Variants in RANBP17 observed in about 807,000 individuals in gnomAD.
RANBP17 encodes the protein ran-binding protein 17.
A neutral mutation model predicts 141.2 loss-of-function variants in RANBP17; 158 were observed. That is an observed-to-expected ratio of 1.12 (90% CI 0.98 to 1.28). The LOEUF is 1.28. Ranked by LOEUF, RANBP17 falls within the 50% of genes most tolerant of loss-of-function variation. The pLI is 0.00. For synonymous variants in RANBP17, 430 were observed against 450.0 expected, an observed-to-expected ratio of 0.96 and a Z score of 0.56; for missense variants, 1,438 against 1,290.7, an observed-to-expected ratio of 1.11 and a Z score of -1.75.
rs117232083 is a variant in RANBP17, at chr5:171,186,345, C to T, written c.2038+2915C>T. ...CAGCTTCTCCATCAGCACTTGGCTG[C>T]TTCACCTTGCACTCTTAGGTTATGG... is the stretch of plus-strand genomic sequence containing the variant. On this transcript the variant is annotated intron_variant, in intron 18 of 27. Transcript: ENST00000523189. Among the ~76,000 whole-genome samples, 11 of 152,206 alleles carry T rather than the reference C, an allele frequency of 7.2e-5. No homozygotes were observed. The East Asian group carries it at 2.1e-3, about 29-fold the overall frequency.
chr5:170,940,133 AATTAT>A (rs1774209529), intron 12 of RANBP17, among the ~76,000 whole-genome samples: 1 of 152,232 alleles, frequency 6.6e-6, no homozygotes, highest in African/African-American at 2.4e-5. Context: ...ATAGCCAATT[AATTAT>A]AAGTTACATA....
intron 14 of RANBP17, among the ~76,000 whole-genome samples, chr5:170,991,884 A>G (rs995378541): frequency 1.3e-5 from 2 of 152,024 alleles, no homozygotes; most frequent in African/African-American, 2.4e-5. Flanking sequence ...AATTATGTGT[A>G]ATCTTTAGAA....
rs137896986 is a variant in RANBP17, at chr5:171,046,378, T to A, written c.1710+78001T>A. 4.0e-3 allele frequency among the ~76,000 whole-genome samples: 610 copies of A among 152,002 alleles called. 3 individuals are homozygous for A. Among genetic ancestry groups the A allele is most frequent in the African/African-American group, 0.014 (575 of 41,442 alleles). ...CACGCTCCACCACGTCCAGCTAATT[T>A]TTTGTGTTTTTAGTAGAGACACGGT... On this transcript the variant is annotated intron_variant, in intron 14 of 27. Coordinates refer to ENST00000523189, the MANE Select transcript of RANBP17 (RefSeq NM_022897.5).
chr5:170,880,475 A>T (rs1768566228), intron 2 of RANBP17, among the ~76,000 whole-genome samples: 1 of 152,182 alleles, frequency 6.6e-6, no homozygotes, highest in Non-Finnish European at 1.5e-5. Flanking sequence ...TCATCGGTAA[A>T]TGGCTGTGTG....
chr5:171,170,504 T>A (rs1458276789), intron 15 of RANBP17, among the ~76,000 whole-genome samples: 2 of 152,022 alleles, frequency 1.3e-5, no homozygotes, highest in Non-Finnish European at 2.9e-5. Context: ...CATTTTTTTT[T>A]ATTTAAAAAG....
chr5:171,274,149 T>TGTGTGCGCGC (rs34291143), intron 25 of RANBP17, among the ~76,000 whole-genome samples: 28 of 126,792 alleles, frequency 2.2e-4, no homozygotes, highest in East Asian at 4.3e-4. Context: ...TGTGTGTGTG[T>TGTGTGCGCGC]GCGCGCGCGC....
chr5:170,996,546 G>T (rs984936269), intron 14 of RANBP17, among the ~76,000 whole-genome samples: 1 of 152,158 alleles, frequency 6.6e-6, no homozygotes, highest in African/African-American at 2.4e-5. Context: ...TCATAGTTAT[G>T]CCAAAAAGTT....
intron 14 of RANBP17, among the ~76,000 whole-genome samples, chr5:171,155,901 C>A (rs1358915150): frequency 2.0e-5 from 3 of 152,046 alleles, no homozygotes; most frequent in Non-Finnish European, 2.9e-5. Context: ...CAATACACTA[C>A]CTCATAAATA....
At chr5:171,136,249 C>T (rs564825696) in intron 14 of RANBP17, among the ~76,000 whole-genome samples, 123 of 151,982 alleles carry the variant, frequency 8.1e-4, no homozygotes, top group Non-Finnish European at 1.6e-3. Flanking sequence ...TTTTTTTATT[C>T]AAACATGAGA....
At chr5:171,224,346 C>T (rs1379205226) in intron 22 of RANBP17, among the ~76,000 whole-genome samples, 2 of 152,204 alleles carry the variant, frequency 1.3e-5, no homozygotes, top group South Asian at 4.1e-4. Flanking sequence ...CATTCCTACC[C>T]CTTTTTCTGG....
intron 20 of RANBP17, chr5:171,206,611 C>T (rs867360222): frequency 5.8e-6 from 1 of 173,618 alleles, no homozygotes; most frequent in Middle Eastern, 2.4e-3. Context: ...TTTAAACCCT[C>T]CTTATCCAAA....
chr5:171,062,352 C>G (rs182143450), intron 14 of RANBP17, among the ~76,000 whole-genome samples: 1 of 152,244 alleles, frequency 6.6e-6, no homozygotes, highest in African/African-American at 2.4e-5. Context: ...TAGGGCAGGC[C>G]TAGTGGTGAC....
intron 14 of RANBP17, among the ~76,000 whole-genome samples, chr5:171,088,638 A>G (rs1785909538): frequency 6.6e-6 from 1 of 152,002 alleles, no homozygotes; most frequent in Non-Finnish European, 1.5e-5. Context: ...ATAGTCCCAT[A>G]TTTCTTGGAG....
intron 14 of RANBP17, among the ~76,000 whole-genome samples, chr5:171,031,097 A>T (rs114693853): frequency 1.3e-5 from 2 of 152,042 alleles, no homozygotes; most frequent in African/African-American, 4.8e-5. Context: ...TGGAAACTTA[A>T]AAGATCAGTT....
chr5:171,017,342 A>G (rs1254846072), intron 14 of RANBP17, among the ~76,000 whole-genome samples: 1 of 152,126 alleles, frequency 6.6e-6, no homozygotes, highest in Non-Finnish European at 1.5e-5. Flanking sequence ...GTCTTCCACA[A>G]CGGTTAAACT....
At chr5:171,162,028 T>C (rs1275154229) in intron 14 of RANBP17, among the ~76,000 whole-genome samples, 4 of 152,338 alleles carry the variant, frequency 2.6e-5, no homozygotes, top group South Asian at 4.1e-4. Flanking sequence ...GAATTATAAA[T>C]ATTCCTTTAA....
At chr5:170,895,199 C>T (rs1770013669) in intron 4 of RANBP17, among the ~76,000 whole-genome samples, 1 of 152,148 alleles carries the variant, frequency 6.6e-6, no homozygotes, top group African/African-American at 2.4e-5. Context: ...AATTTAATTA[C>T]ATCCAGTGAT....
At chr5:171,062,957 C>T (rs1041917719) in intron 14 of RANBP17, among the ~76,000 whole-genome samples, 4 of 152,022 alleles carry the variant, frequency 2.6e-5, no homozygotes, top group African/African-American at 7.2e-5. Flanking sequence ...CGCATCGGCT[C>T]CTGAGGCTTC....
chr5:171,095,764 C>T (rs1365201986), intron 14 of RANBP17, among the ~76,000 whole-genome samples: 6 of 152,034 alleles, frequency 3.9e-5, no homozygotes, highest in South Asian at 2.1e-4. Context: ...GACACCCCCC[C>T]GACACACCCA....
Sources: gnomAD v4.1 joint callset for allele counts (sites outside exome capture counted in the v4.1 genomes callset) on GRCh38, gnomAD v4.1.1 for gene constraint, MANE v1.5 for transcripts, NCBI Gene and HGNC (gene_info 2026-07-23, HGNC 2026-07-21) for gene names.